The following TENM3 variants were observed in gnomAD, a reference collection of about 807,000 sequenced individuals.
The protein encoded by TENM3 is teneurin transmembrane protein 3.
A neutral mutation model predicts 255.1 loss-of-function variants in TENM3; 63 were observed. That is an observed-to-expected ratio of 0.25 (90% confidence interval 0.20 to 0.30). TENM3 has a LOEUF of 0.30. Ranked by LOEUF, TENM3 falls within the 10% of genes least tolerant of loss-of-function variation. The probability of loss-of-function intolerance (pLI) is 1.00; values close to 1 mark genes in which losing one functional copy is unlikely to be tolerated. For synonymous variants in TENM3, 1,306 were observed against 1,322.3 expected (o/e 0.99, Z 0.27); for missense variants, 2,929 against 3,461.1 (o/e 0.85, Z 3.86).
At chr4:181,877,347 A>G in the TENM3 span, among the ~76,000 whole-genome samples, 9 of 152,238 alleles carry the variant, frequency 5.9e-5, no homozygotes, top group Admixed American at 5.9e-4. Flanking sequence ...TAGGTTGGAT[A>G]TAAAAAATAA....
chr4:182,066,425 A>G, the TENM3 span, among the ~76,000 whole-genome samples: 1 of 152,074 alleles, frequency 6.6e-6, no homozygotes. Context: ...AACGATAAGG[A>G]GATTTGGACA....
chr4:182,786,060 T>C (rs901577870), intron 24 of TENM3, among the ~76,000 whole-genome samples: 1 of 152,246 alleles, frequency 6.6e-6, no homozygotes, highest in Admixed American at 6.5e-5. Flanking sequence ...TCTAACTCAT[T>C]CCTCATTACT....
At chr4:181,766,754 CAAA>C in the TENM3 span, among the ~76,000 whole-genome samples, 2 of 114,828 alleles carry the variant, frequency 1.7e-5, no homozygotes. Flanking sequence ...TGTAGGCGTT[CAAA>C]AAAAAAAAAA....
At chr4:181,508,091 T>C in the TENM3 span, among the ~76,000 whole-genome samples, 1 of 152,206 alleles carries the variant, frequency 6.6e-6, no homozygotes, top group Non-Finnish European at 1.5e-5. Flanking sequence ...TTGTGATGGA[T>C]GGAGCCCGCA....
At chr4:181,653,732 C>T in the TENM3 span, among the ~76,000 whole-genome samples, 1 of 144,254 alleles carries the variant, frequency 6.9e-6, no homozygotes, top group Non-Finnish European at 1.5e-5. Flanking sequence ...TTATGGGATA[C>T]AGGTGCAGAA....
chr4:181,905,765 C>A, the TENM3 span: 1 of 300,102 alleles, frequency 3.3e-6, no homozygotes, highest in Non-Finnish European at 6.4e-6. Context: ...GATTAGTTAG[C>A]ATTGACAAGT....
chr4:182,326,228 A>G (rs1008066331), intron 2 of TENM3, among the ~76,000 whole-genome samples: 1 of 152,204 alleles, frequency 6.6e-6, no homozygotes, highest in African/African-American at 2.4e-5. Flanking sequence ...AATGGGATGG[A>G]CTGCTAGTTA....
At chr4:182,119,823 C>G in the TENM3 span, among the ~76,000 whole-genome samples, 1 of 152,066 alleles carries the variant, frequency 6.6e-6, no homozygotes. Flanking sequence ...CACCTCAGAT[C>G]CCCAGGTAAC....
the TENM3 span, among the ~76,000 whole-genome samples, chr4:181,729,469 C>T: frequency 6.6e-6 from 1 of 152,244 alleles, no homozygotes; most frequent in East Asian, 1.9e-4. Context: ...GCTCATGATG[C>T]TTTCTTTAGA....
chr4:182,576,697 G>T (rs2152039845), intron 3 of TENM3, among the ~76,000 whole-genome samples: 1 of 152,178 alleles, frequency 6.6e-6, no homozygotes, highest in African/African-American at 2.4e-5. Flanking sequence ...CATTGCCAGG[G>T]CTTTCGTTTA....
chr4:182,708,043 T>C (rs973795188), intron 12 of TENM3: 10 of 148,972 alleles, frequency 6.7e-5, no homozygotes, highest in Non-Finnish European at 1.3e-4. Flanking sequence ...TGTGATAGAG[T>C]GGTTTAGAGC....
intron 1 of TENM3, among the ~76,000 whole-genome samples, chr4:182,186,762 C>CATATAT (rs70954298): frequency 0.014 from 375 of 27,342 alleles, 39 homozygotes; most frequent in Non-Finnish European, 0.018. Flanking sequence ...ACTAATGCAT[C>CATATAT]ATATATATAT....
chr4:182,536,362 A>G (rs920067758), intron 3 of TENM3, among the ~76,000 whole-genome samples: 3 of 152,230 alleles, frequency 2.0e-5, no homozygotes, highest in Admixed American at 6.5e-5. Flanking sequence ...ACTGAAGACC[A>G]TTGAATAGGA....
At chr4:181,814,268 G>A in the TENM3 span, among the ~76,000 whole-genome samples, 1 of 152,026 alleles carries the variant, frequency 6.6e-6, no homozygotes, top group Non-Finnish European at 1.5e-5. Context: ...ACTTTAAGAT[G>A]AAGAGCATTA....
the TENM3 span, among the ~76,000 whole-genome samples, chr4:182,120,094 C>T: frequency 4.3e-4 from 1 of 2,348 alleles, no homozygotes; most frequent in African/African-American, 3.2e-3. Flanking sequence ...CGTGCGTGCG[C>T]GCACACACAC....
chr4:181,625,118 T>C, the TENM3 span, among the ~76,000 whole-genome samples: 1 of 152,146 alleles, frequency 6.6e-6, no homozygotes, highest in Non-Finnish European at 1.5e-5. Flanking sequence ...AAATAGACTT[T>C]TGATGGGAGA....
chr4:182,802,002 T>A lies in TENM3; in HGVS notation c.*1651T>A, dbSNP rs968717193. The A allele has an allele frequency of 5.9e-5, 9 of 152,650 alleles. No individual in the cohort carries two copies. The highest frequency in any genetic ancestry group is 2.2e-4 in the African/African-American group (9 of 41,468). The allele number at this position is 152,650 out of a possible 1,614,324, so 9.5% of individuals were successfully genotyped here. A position where few individuals can be genotyped will look rare whatever the true frequency, so the allele number is the denominator to read the frequency against. On this transcript the variant is annotated 3_prime_UTR_variant, in exon 28 of 28. Coordinates refer to ENST00000511685, the MANE Select transcript of TENM3 (RefSeq NM_001080477.4). The stretch of plus-strand genomic sequence containing the variant: ...CACTGTTTTCCTCTATGTATAATGG[T>A]GATAAAATATAGCAAGTGAACATGT...
At chr4:182,277,249 G>A (rs1165557049) in intron 1 of TENM3, among the ~76,000 whole-genome samples, 1 of 152,088 alleles carries the variant, frequency 6.6e-6, no homozygotes, top group African/African-American at 2.4e-5. Flanking sequence ...AGATTAGATA[G>A]CAATGTTAAC....
At chr4:181,522,919 T>A in the TENM3 span, 2 of 881,566 alleles carry the variant, frequency 2.3e-6, no homozygotes, top group Non-Finnish European at 3.8e-6. Context: ...GTTGTGCTGG[T>A]TATTTCCAGA....
Sources: allele counts gnomAD v4.1 joint callset (sites outside exome capture counted in the v4.1 genomes callset), GRCh38; gene constraint gnomAD v4.1.1; transcripts MANE v1.5; gene names NCBI Gene and HGNC (gene_info 2026-07-23, HGNC 2026-07-21).